The following L3MBTL4 variants were observed in gnomAD, a reference collection of about 807,000 sequenced individuals.
L3MBTL4 encodes the protein lethal(3)malignant brain tumor-like protein 4.
In L3MBTL4, 70 loss-of-function variants were observed where a neutral mutation model predicts 84.5. The observed-to-expected ratio is 0.83, with a 90% CI of 0.68 to 1.01. The LOEUF is 1.01. Among genes scored for constraint, L3MBTL4 ranks in the 50% least tolerant of loss-of-function variants. The pLI is 0.00. For missense variants in L3MBTL4, 715 were observed against 754.8 expected, an observed-to-expected ratio of 0.95 and a Z score of 0.62; for synonymous variants, 274 against 259.8, an observed-to-expected ratio of 1.05 and a Z score of -0.52.
At chr18:5,960,457 C>A (rs2144659135) in intron 17 of L3MBTL4, among the ~76,000 whole-genome samples, 1 of 152,308 alleles carries the variant, frequency 6.6e-6, no homozygotes, top group East Asian at 1.9e-4. Context: ...TCTCCTGACT[C>A]CCCCATGGGG....
intron 16 of L3MBTL4, among the ~76,000 whole-genome samples, chr18:6,070,300 G>T (rs184233092): frequency 9.7e-4 from 147 of 152,188 alleles, no homozygotes; most frequent in South Asian, 2.1e-3. Flanking sequence ...CAGATAAAAT[G>T]TGACACACTC....
At position 6,209,829 on chromosome 18, in the gene L3MBTL4, A is replaced by T. The variant is rs369386929; in HGVS notation, c.981+3320T>A. 1.3e-3 allele frequency among the ~76,000 whole-genome samples: 201 copies of T among 152,358 alleles called. 2 individuals are homozygous for T. Among genetic ancestry groups the T allele is most frequent in the African/African-American group, 4.7e-3 (195 of 41,576 alleles). ...AGAAATAAAAAGGAATGAAGTACTG[A>T]TATTTACTACAGTATGGATGAACCT... On this transcript the variant is annotated intron_variant, in intron 12 of 18. Transcript: ENST00000317931.
intron 12 of L3MBTL4, among the ~76,000 whole-genome samples, chr18:6,193,453 C>T (rs2145552782): frequency 6.6e-6 from 1 of 152,272 alleles, no homozygotes; most frequent in South Asian, 2.1e-4. Flanking sequence ...CACCTCCAGC[C>T]CCCAAAGGGC....
intron 4 of L3MBTL4, among the ~76,000 whole-genome samples, chr18:6,289,299 C>T (rs2049737371): frequency 6.6e-6 from 1 of 152,118 alleles, no homozygotes; most frequent in Non-Finnish European, 1.5e-5. Context: ...GAGGGGTGCA[C>T]TGATACAGGA....
At chr18:6,046,512 C>T (rs1598550111) in intron 16 of L3MBTL4, among the ~76,000 whole-genome samples, 1 of 152,052 alleles carries the variant, frequency 6.6e-6, no homozygotes, top group South Asian at 2.1e-4. Flanking sequence ...GGCCATAAAG[C>T]AAGTCTCAAT....
chr18:6,307,297 C>G (rs1021725093), intron 3 of L3MBTL4, among the ~76,000 whole-genome samples: 1 of 151,184 alleles, frequency 6.6e-6, no homozygotes, highest in Non-Finnish European at 1.5e-5. Flanking sequence ...ATGAGCTGAA[C>G]GTGGTGGTGC....
chr18:6,281,393 A>G (rs1314864288), intron 4 of L3MBTL4, among the ~76,000 whole-genome samples: 1 of 152,208 alleles, frequency 6.6e-6, no homozygotes, highest in East Asian at 1.9e-4. Flanking sequence ...CTGTTTTTGT[A>G]CATAAAGCTT....
intron 13 of L3MBTL4, among the ~76,000 whole-genome samples, chr18:6,152,246 CAA>C (rs2144850085): frequency 6.6e-6 from 1 of 152,170 alleles, no homozygotes; most frequent in Non-Finnish European, 1.5e-5. Flanking sequence ...GATACATACC[CAA>C]AAGAGGGATT....
chr18:6,053,558 A>G (rs1407160728), intron 16 of L3MBTL4, among the ~76,000 whole-genome samples: 1 of 152,200 alleles, frequency 6.6e-6, no homozygotes, highest in Non-Finnish European at 1.5e-5. Context: ...ATGCCTGCTC[A>G]TTAATGGCCT....
intron 1 of L3MBTL4, among the ~76,000 whole-genome samples, chr18:6,336,473 G>A (rs1362681247): frequency 6.6e-6 from 1 of 152,168 alleles, no homozygotes. Context: ...GCAAAGTAGA[G>A]TTTTTCTACC....
intron 16 of L3MBTL4, among the ~76,000 whole-genome samples, chr18:6,024,219 A>G (rs1254429268): frequency 6.6e-6 from 1 of 152,062 alleles, no homozygotes; most frequent in Non-Finnish European, 1.5e-5. Flanking sequence ...GTTCACAACT[A>G]CCCTCACTTA....
At chr18:5,958,965 A>G (rs2095248364) in intron 18 of L3MBTL4, among the ~76,000 whole-genome samples, 1 of 152,158 alleles carries the variant, frequency 6.6e-6, no homozygotes, top group Non-Finnish European at 1.5e-5. Flanking sequence ...AGTAGACTGT[A>G]TGTGTGAACG....
intron 13 of L3MBTL4, among the ~76,000 whole-genome samples, chr18:6,166,324 C>T (rs1206229347): frequency 7.2e-5 from 11 of 151,986 alleles, no homozygotes; most frequent in African/African-American, 2.2e-4. Context: ...CTGCACCAAG[C>T]GGACCTAATA....
At chr18:6,232,609 A>G (rs968170768) in intron 10 of L3MBTL4, among the ~76,000 whole-genome samples, 1 of 152,092 alleles carries the variant, frequency 6.6e-6, no homozygotes, top group Admixed American at 6.6e-5. Flanking sequence ...ATATTTTATG[A>G]AGCAGGAGTC....
chr18:6,051,801 G>C (rs2056851908), intron 16 of L3MBTL4, among the ~76,000 whole-genome samples: 1 of 152,120 alleles, frequency 6.6e-6, no homozygotes, highest in African/African-American at 2.4e-5. Flanking sequence ...ACGGACCCCG[G>C]CACCGTAAGA....
chr18:6,264,142 G>C, intron 4 of L3MBTL4, 104 bp from the exon 5 acceptor site: 1 of 831,450 alleles, frequency 1.2e-6, no homozygotes, highest in South Asian at 1.5e-5. Context: ...TAGTTAAATT[G>C]GTAGTTGAAA....
At chr18:6,065,278 G>C (rs1216777864) in intron 16 of L3MBTL4, among the ~76,000 whole-genome samples, 1 of 151,892 alleles carries the variant, frequency 6.6e-6, no homozygotes, top group African/African-American at 2.4e-5. Context: ...GAGGATTTTT[G>C]CATCTATGTT....
intron 14 of L3MBTL4, among the ~76,000 whole-genome samples, chr18:6,134,064 T>C (rs1413406641): frequency 6.6e-6 from 1 of 152,250 alleles, no homozygotes; most frequent in East Asian, 1.9e-4. Flanking sequence ...TCCACATGGC[T>C]GGGGAGGCCT....
intron 16 of L3MBTL4, among the ~76,000 whole-genome samples, chr18:6,041,287 T>A (rs1426259754): frequency 6.6e-6 from 1 of 152,220 alleles, no homozygotes; most frequent in African/African-American, 2.4e-5. Context: ...CAGGTGAGCA[T>A]GCTGCAGAGT....
Sources: allele counts gnomAD v4.1 joint callset (sites outside exome capture counted in the v4.1 genomes callset), GRCh38; gene constraint gnomAD v4.1.1; transcripts MANE v1.5; gene names NCBI Gene and HGNC (gene_info 2026-07-23, HGNC 2026-07-21).